The following CNTNAP2 variants were observed in gnomAD, a reference collection of about 807,000 sequenced individuals.
The protein encoded by CNTNAP2 is contactin-associated protein-like 2.
CNTNAP2 carries 98 observed loss-of-function variants against 155.2 expected under a neutral mutation model. The observed-to-expected ratio is 0.63, with a 90% confidence interval of 0.54 to 0.75. The LOEUF is 0.75. Ranked by LOEUF, CNTNAP2 falls within the 30% of genes least tolerant of loss-of-function variation. The probability of loss-of-function intolerance (pLI) is 0.00; values close to 1 mark genes in which losing one functional copy is unlikely to be tolerated. For synonymous variants in CNTNAP2, 651 were observed against 631.2 expected, an observed-to-expected ratio of 1.03 and a Z score of -0.47; for missense variants, 1,727 against 1,688.1, an observed-to-expected ratio of 1.02 and a Z score of -0.40.
chr7:147,409,753 T>C (rs182087698), intron 10 of CNTNAP2, among the ~76,000 whole-genome samples: 1 of 151,828 alleles, frequency 6.6e-6, no homozygotes, highest in Non-Finnish European at 1.5e-5. Context: ...GAACAGACAC[T>C]TTTCACAAGA....
chr7:146,214,567 A>G (rs1487776690), intron 1 of CNTNAP2, among the ~76,000 whole-genome samples: 1 of 152,184 alleles, frequency 6.6e-6, no homozygotes, highest in Non-Finnish European at 1.5e-5. Flanking sequence ...ATAATATTCA[A>G]ATTGTGAAAT....
At chr7:147,821,232 G>A (rs1464686384) in intron 13 of CNTNAP2, among the ~76,000 whole-genome samples, 4 of 152,128 alleles carry the variant, frequency 2.6e-5, no homozygotes, top group African/African-American at 9.6e-5. Context: ...AAAAGAGTAA[G>A]TGATATAGGA....
At chr7:148,179,619 A>C in intron 18 of CNTNAP2, among the ~76,000 whole-genome samples, 1 of 139,190 alleles carries the variant, frequency 7.2e-6, no homozygotes, top group African/African-American at 2.8e-5. Flanking sequence ...GAGGGAAGGA[A>C]GGAAGGAAGG....
intron 1 of CNTNAP2, among the ~76,000 whole-genome samples, chr7:146,584,919 A>G (rs1434426517): frequency 6.6e-6 from 1 of 152,192 alleles, no homozygotes; most frequent in Non-Finnish European, 1.5e-5. Flanking sequence ...TAAATTTTGA[A>G]TAATAGTAGG....
At chr7:147,651,854 G>A (rs780676270) in intron 13 of CNTNAP2, among the ~76,000 whole-genome samples, 26 of 152,092 alleles carry the variant, frequency 1.7e-4, no homozygotes, top group Admixed American at 3.3e-4. Context: ...TTATCTAAAG[G>A]GAAGCACCTC....
chr7:148,260,841 C>T (rs988700918), intron 20 of CNTNAP2, among the ~76,000 whole-genome samples: 1 of 152,162 alleles, frequency 6.6e-6, no homozygotes, highest in Non-Finnish European at 1.5e-5. Context: ...TGTTTACAGG[C>T]ATGTGAGGGC....
intron 8 of CNTNAP2, among the ~76,000 whole-genome samples, chr7:147,227,614 T>C (rs896500488): frequency 2.0e-5 from 3 of 152,072 alleles, no homozygotes; most frequent in Non-Finnish European, 2.9e-5. Flanking sequence ...ATGGAGGACA[T>C]AGAGGTTTTT....
At chr7:147,255,567 A>G (rs1804303434) in intron 8 of CNTNAP2, among the ~76,000 whole-genome samples, 1 of 152,076 alleles carries the variant, frequency 6.6e-6, no homozygotes, top group African/African-American at 2.4e-5. Flanking sequence ...TTTTAAAGTC[A>G]ATTATGTTTA....
At chr7:148,135,614 C>T (rs939277366) in intron 16 of CNTNAP2, among the ~76,000 whole-genome samples, 4 of 151,652 alleles carry the variant, frequency 2.6e-5, no homozygotes, top group Non-Finnish European at 5.9e-5. Context: ...TTTGAGAGGC[C>T]GAGGCAGGTG....
intron 1 of CNTNAP2, among the ~76,000 whole-genome samples, chr7:146,555,494 CTGTCTATCTATCTA>C: frequency 1.2e-5 from 1 of 81,806 alleles, no homozygotes; most frequent in African/African-American, 4.0e-5. Context: ...TATCATCTGT[CTGTCTATCTATCTA>C]TCTATCTATC....
intron 22 of CNTNAP2, chr7:148,389,811 C>G (rs2116674961): frequency 6.6e-6 from 1 of 152,256 alleles, no homozygotes; most frequent in East Asian, 1.9e-4. Context: ...GATGATCACT[C>G]TTCTCTTCCT....
At chr7:146,483,326 T>TATATATATACATAC (rs1554439604) in intron 1 of CNTNAP2, among the ~76,000 whole-genome samples, 2 of 79,260 alleles carry the variant, frequency 2.5e-5, no homozygotes, top group Non-Finnish European at 4.7e-5. Context: ...TATATATATA[T>TATATATATACATAC]ATACATATAT....
At chr7:147,621,953 A>C (rs28874923) in intron 12 of CNTNAP2, among the ~76,000 whole-genome samples, 13,675 of 152,012 alleles carry the variant, frequency 0.09, 1,711 homozygotes, top group African/African-American at 0.26. Flanking sequence ...TATTCCATGC[A>C]AATAGAAACC....
intron 1 of CNTNAP2, among the ~76,000 whole-genome samples, chr7:146,612,500 G>GA (rs1390253658): frequency 6.6e-6 from 1 of 151,608 alleles, no homozygotes; most frequent in Non-Finnish European, 1.5e-5. Flanking sequence ...TATTTTTCAG[G>GA]AAATCAAGCC....
intron 3 of CNTNAP2, among the ~76,000 whole-genome samples, chr7:147,010,158 C>A (rs920688337): frequency 3.3e-5 from 5 of 151,624 alleles, no homozygotes; most frequent in African/African-American, 1.2e-4. Flanking sequence ...TACAGGCATG[C>A]GCAACCACGC....
At chr7:146,464,007 A>G (rs970527303) in intron 1 of CNTNAP2, among the ~76,000 whole-genome samples, 19 of 152,154 alleles carry the variant, frequency 1.2e-4, no homozygotes, top group African/African-American at 4.6e-4. Flanking sequence ...AAACATGGAT[A>G]TACAATGTGT....
chr7:147,005,940 G>A (rs891594661), intron 3 of CNTNAP2, among the ~76,000 whole-genome samples: 4 of 151,946 alleles, frequency 2.6e-5, no homozygotes, highest in African/African-American at 9.7e-5. Context: ...CTTATTGTAG[G>A]AGGGGGATGA....
intron 19 of CNTNAP2, among the ~76,000 whole-genome samples, chr7:148,222,824 A>G (rs888541191): frequency 3.3e-5 from 5 of 152,190 alleles, no homozygotes; most frequent in Non-Finnish European, 7.3e-5. Flanking sequence ...GAGACCCACC[A>G]AGCTCATGGG....
chr7:147,467,488 T>C (rs776299699), intron 10 of CNTNAP2, among the ~76,000 whole-genome samples: 82 of 152,128 alleles, frequency 5.4e-4, no homozygotes, highest in Non-Finnish European at 9.1e-4. Flanking sequence ...AAATGACGGG[T>C]ACACATGGAC....
Sources: gnomAD v4.1 joint callset for allele counts (sites outside exome capture counted in the v4.1 genomes callset) on GRCh38, gnomAD v4.1.1 for gene constraint, MANE v1.5 for transcripts, NCBI Gene and HGNC (gene_info 2026-07-23, HGNC 2026-07-21) for gene names.